Variants in ZBTB20 observed in about 807,000 individuals in gnomAD.
ZBTB20 encodes the protein zinc finger and BTB domain containing 20, also known as zinc finger and BTB domain-containing protein 20.
Under a neutral mutation model 56.9 loss-of-function variants are expected in ZBTB20, and 9 were observed. The observed-to-expected ratio is 0.16, with a 90% CI of 0.10 to 0.28. The LOEUF is 0.28. Among genes scored for constraint, ZBTB20 ranks in the 10% least tolerant of loss-of-function variants. The pLI, the probability that ZBTB20 is intolerant of heterozygous loss-of-function variation, is 1.00. For synonymous variants in ZBTB20, 417 were observed against 420.7 expected (o/e 0.99, Z 0.11); for missense variants, 655 against 1,003.0 (o/e 0.65, Z 4.69).
intron 7 of ZBTB20, among the ~76,000 whole-genome samples, chr3:114,434,876 T>C (rs1280903886): frequency 6.6e-6 from 1 of 152,116 alleles, no homozygotes; most frequent in Non-Finnish European, 1.5e-5. Context: ...GGCAATCCCA[T>C]AGAAAGGTGT....
intron 5 of ZBTB20, among the ~76,000 whole-genome samples, chr3:114,720,086 T>C (rs971616368): frequency 4.0e-5 from 6 of 149,196 alleles, no homozygotes; most frequent in African/African-American, 1.5e-4. Context: ...ATATATATAA[T>C]GTATATATGT....
At chr3:114,369,317 G>A (rs2082746282) in intron 10 of ZBTB20, among the ~76,000 whole-genome samples, 1 of 152,156 alleles carries the variant, frequency 6.6e-6, no homozygotes, top group African/African-American at 2.4e-5. Flanking sequence ...TAAAACTAGT[G>A]AGGATAAATA....
Position 114,560,190 on chromosome 3 carries a change from G to A in ZBTB20, c.-294-59799C>T, listed in dbSNP as rs188916106. Among the ~76,000 whole-genome samples, 376 of 152,188 alleles carry A rather than the reference G, an allele frequency of 2.5e-3. 2 individuals are homozygous for A. Among genetic ancestry groups the A allele is most frequent in the Non-Finnish European group, 3.5e-3 (235 of 67,990 alleles). ...CAAAGCAGAGTAAAGAGTGAATTTT[G>A]CCATGGGAAATAGTGTATTGCTACA... On this transcript the variant is annotated intron_variant, in intron 6 of 11. Transcript: ENST00000675478.
At chr3:114,622,777 A>G (rs560093269) in intron 6 of ZBTB20, among the ~76,000 whole-genome samples, 2 of 152,358 alleles carry the variant, frequency 1.3e-5, no homozygotes, top group African/African-American at 4.8e-5. Context: ...AAAATCATCC[A>G]TTGCTAAAGC....
intron 6 of ZBTB20, among the ~76,000 whole-genome samples, chr3:114,685,799 T>C (rs1240854253): frequency 2.6e-5 from 4 of 152,102 alleles, no homozygotes; most frequent in Non-Finnish European, 1.5e-5. Flanking sequence ...ACCGTATGCT[T>C]TGACAAAAGA....
chr3:114,756,906 AT>A (rs2068047773), intron 5 of ZBTB20, among the ~76,000 whole-genome samples: 1 of 152,258 alleles, frequency 6.6e-6, no homozygotes, highest in South Asian at 2.1e-4. Flanking sequence ...TAATTTCTGA[AT>A]CTCATATCCT....
intron 10 of ZBTB20, among the ~76,000 whole-genome samples, chr3:114,378,545 A>T (rs1371890057): frequency 6.6e-5 from 10 of 152,210 alleles, no homozygotes; most frequent in Admixed American, 3.3e-4. Flanking sequence ...AAAGCACAAT[A>T]AGTGAAGCCC....
At chr3:114,988,942 G>A (rs1194389092) in intron 2 of ZBTB20, among the ~76,000 whole-genome samples, 1 of 152,110 alleles carries the variant, frequency 6.6e-6, no homozygotes, top group Non-Finnish European at 1.5e-5. Context: ...AGTTTTTGAT[G>A]GAGTTGTTTG....
At chr3:114,546,223 C>T (rs1487617032) in intron 6 of ZBTB20, among the ~76,000 whole-genome samples, 1 of 152,148 alleles carries the variant, frequency 6.6e-6, no homozygotes, top group Non-Finnish European at 1.5e-5. Context: ...CTTTGTTGCC[C>T]ATTTACATCT....
chr3:114,843,099 C>T (rs1203217933), intron 4 of ZBTB20, among the ~76,000 whole-genome samples: 1 of 152,150 alleles, frequency 6.6e-6, no homozygotes, highest in African/African-American at 2.4e-5. Context: ...TTCCCCTTCA[C>T]CTTCTGCCAT....
chr3:115,136,960 G>C (rs2084666890), intron 1 of ZBTB20, among the ~76,000 whole-genome samples: 1 of 151,968 alleles, frequency 6.6e-6, no homozygotes, highest in Admixed American at 6.6e-5. Context: ...GGTCCCACAG[G>C]CTATCAAAAT....
At chr3:114,994,949 G>A (rs1024262433) in intron 2 of ZBTB20, among the ~76,000 whole-genome samples, 4 of 151,998 alleles carry the variant, frequency 2.6e-5, no homozygotes, top group South Asian at 2.1e-4. Context: ...TGAGTTCACT[G>A]TGGCCCTACA....
At chr3:114,522,416 T>C (rs1577270062) in intron 6 of ZBTB20, among the ~76,000 whole-genome samples, 1 of 152,116 alleles carries the variant, frequency 6.6e-6, no homozygotes, top group African/African-American at 2.4e-5. Context: ...ATGGAGGGTC[T>C]TGTGAACTAC....
intron 6 of ZBTB20, among the ~76,000 whole-genome samples, chr3:114,674,086 A>G (rs1159396684): frequency 6.6e-6 from 1 of 152,282 alleles, no homozygotes; most frequent in Admixed American, 6.5e-5. Context: ...CAGCTCTTAC[A>G]TTATTTGTTT....
intron 7 of ZBTB20, among the ~76,000 whole-genome samples, chr3:114,489,016 G>A (rs964075755): frequency 5.3e-5 from 8 of 152,114 alleles, no homozygotes; most frequent in African/African-American, 1.9e-4. Flanking sequence ...AAGAAAAAGA[G>A]AAAGATAAAC....
At chr3:114,573,852 T>G (rs2107382322) in intron 6 of ZBTB20, among the ~76,000 whole-genome samples, 1 of 152,260 alleles carries the variant, frequency 6.6e-6, no homozygotes, top group Middle Eastern at 3.5e-3. Flanking sequence ...GCTTAAAACT[T>G]TTATTTTTCA....
chr3:114,801,590 T>G (rs1276149261), intron 4 of ZBTB20, among the ~76,000 whole-genome samples: 1 of 151,820 alleles, frequency 6.6e-6, no homozygotes, highest in Non-Finnish European at 1.5e-5. Flanking sequence ...TCTATGGGTC[T>G]GAATACACAT....
At position 115,078,619 on chromosome 3, in the gene ZBTB20, A is replaced by G. The variant is rs974701427; in HGVS notation, c.-702-7205T>C. ...TATGTGTGTGTGTGTGTGTGTATATATATATATATATATATATATATGAAG... is the reference window on the plus strand; with the variant it reads ...TATGTGTGTGTGTGTGTGTGTATATGTATATATATATATATATATATGAAG... On this transcript the variant is annotated intron_variant, in intron 1 of 11. Transcript: ENST00000675478. Among the ~76,000 whole-genome samples, 1,182 of 144,456 alleles carry G rather than the reference A, an allele frequency of 8.2e-3. 11 individuals are homozygous for G. The highest frequency in any genetic ancestry group is 0.024 in the African/African-American group (921 of 39,024). The allele number at this position is 144,456 out of a possible 152,430, so 94.8% of individuals were successfully genotyped here.
At chr3:115,040,521 G>A (rs2081098375) in intron 2 of ZBTB20, among the ~76,000 whole-genome samples, 1 of 152,114 alleles carries the variant, frequency 6.6e-6, no homozygotes, top group African/African-American at 2.4e-5. Context: ...GAAGCATTAT[G>A]TACTCAGAGG....
Sources: gnomAD v4.1 joint callset for allele counts (sites outside exome capture counted in the v4.1 genomes callset) on GRCh38, gnomAD v4.1.1 for gene constraint, MANE v1.5 for transcripts, NCBI Gene and HGNC (gene_info 2026-07-23, HGNC 2026-07-21) for gene names.